Variants in ACAN observed in about 807,000 individuals in gnomAD.
ACAN encodes the protein aggrecan, also known as aggrecan core protein.
ACAN carries 47 observed loss-of-function variants against 169.1 expected under a neutral mutation model. That is an observed-to-expected ratio of 0.28 (90% CI 0.22 to 0.35). The LOEUF (loss-of-function observed/expected upper bound fraction) is 0.35. Among genes scored for constraint, ACAN ranks in the 10% least tolerant of loss-of-function variants. The pLI, the probability that ACAN is intolerant of heterozygous loss-of-function variation, is 1.00. For synonymous variants in ACAN, 1,115 were observed against 1,112.2 expected, an observed-to-expected ratio of 1.00 and a Z score of -0.05; for missense variants, 2,716 against 2,759.9, an observed-to-expected ratio of 0.98 and a Z score of 0.36.
At chr15:88,808,506 C>A (rs1895741308) in intron 1 of ACAN, among the ~76,000 whole-genome samples, 2 of 152,232 alleles carry the variant, frequency 1.3e-5, no homozygotes, top group South Asian at 4.1e-4. Context: ...TGTAACCAAC[C>A]TGAACCTGAC....
Position 88,849,853 on chromosome 15 carries a change from G to C in ACAN, c.2026+122G>C. 7.2e-7 allele frequency: 1 copy of C among 1,383,236 alleles called. No homozygotes were observed. The highest frequency in any genetic ancestry group is 1.0e-6 in the Non-Finnish European group (1 of 1,000,228). The allele number at this position is 1,383,236 out of a possible 1,614,324, so 85.7% of individuals were successfully genotyped here. On this transcript the variant is annotated intron_variant, in intron 10 of 18. Transcript: ENST00000560601. This position sits in a 1 kb window ranked among gnomAD's most constrained non-coding sequence, Gnocchi z 5.1. ...AGAGCAAGAAAATGTCAGTCCCTCT[G>C]GGGCAGAGCCAGCTCTGAAACCAGC...
chr15:88,821,192 A>G (rs768152386), intron 1 of ACAN, among the ~76,000 whole-genome samples: 4 of 152,202 alleles, frequency 2.6e-5, no homozygotes, highest in Admixed American at 6.5e-5. Flanking sequence ...GCCAAACTAT[A>G]TCAGTGGCAC....
At chr15:88,836,158 G>A in intron 1 of ACAN, 42 bp from the exon 2 acceptor site, 1 of 1,441,826 alleles carries the variant, frequency 6.9e-7, no homozygotes, top group African/African-American at 1.4e-5. Flanking sequence ...ACCTCACCAT[G>A]CCTTCACTGT....
chr15:88,812,584 G>A (rs559350294), intron 1 of ACAN, among the ~76,000 whole-genome samples: 15 of 152,022 alleles, frequency 9.9e-5, no homozygotes, highest in Non-Finnish European at 1.6e-4. Context: ...TTGCCCTCTC[G>A]GTCCCCCTGC....
At chr15:88,834,953 G>T (rs1416433509) in intron 1 of ACAN, among the ~76,000 whole-genome samples, 1 of 152,166 alleles carries the variant, frequency 6.6e-6, no homozygotes, top group Non-Finnish European at 1.5e-5. Context: ...TGGAGTCAGG[G>T]TTCCAATTGT....
At chr15:88,815,368 G>A (rs1002488106) in intron 1 of ACAN, among the ~76,000 whole-genome samples, 3 of 151,982 alleles carry the variant, frequency 2.0e-5, no homozygotes, top group Admixed American at 6.6e-5. Context: ...AGACCAGCTT[G>A]GGCAACATGG....
intron 7 of ACAN, 73 bp from the exon 8 acceptor site, chr15:88,847,170 T>C (rs1453246077): frequency 9.1e-6 from 13 of 1,421,978 alleles, no homozygotes; most frequent in Non-Finnish European, 1.2e-5. Flanking sequence ...TTGGCCCCCC[T>C]CTGTGCCCAT....
chr15:88,831,764 G>A (rs1176151066), intron 1 of ACAN, among the ~76,000 whole-genome samples: 1 of 152,164 alleles, frequency 6.6e-6, no homozygotes. Flanking sequence ...GAAGAAGTTA[G>A]GCTTGATGTT....
chr15:88,849,404 G>C lies in ACAN; in HGVS notation c.1733-34G>C, dbSNP rs1469740066. 3.3e-6 allele frequency: 5 copies of C among 1,528,810 alleles called. No homozygotes were observed. In the Admixed American group the frequency reaches 9.4e-5, roughly 29 times the overall value. 94.7% of individuals were successfully genotyped at this position (1,528,810 alleles called of 1,614,324 possible). A position where few individuals can be genotyped will look rare whatever the true frequency, so the allele number is the denominator to read the frequency against. On this transcript the variant is annotated intron_variant, in intron 9 of 18. Transcript: ENST00000560601. This position sits in a 1 kb window ranked among gnomAD's most constrained non-coding sequence, Gnocchi z 5.1. ...GGGATGGACCTGGCCTGAGTGTGGG[G>C]GGGTCATATTCTACCCCTTGCCTCT...
At chr15:88,808,826 A>G (rs537289601) in intron 1 of ACAN, among the ~76,000 whole-genome samples, 1 of 152,326 alleles carries the variant, frequency 6.6e-6, no homozygotes, top group South Asian at 2.1e-4. Flanking sequence ...GGGCATGGCA[A>G]CTGGAAAAGA....
At chr15:88,864,630 CCTT>C (rs1897253251) in intron 13 of ACAN, among the ~76,000 whole-genome samples, 1 of 152,180 alleles carries the variant, frequency 6.6e-6, no homozygotes, top group Non-Finnish European at 1.5e-5. Context: ...CTTTTATAAT[CCTT>C]CTTTCATTTG....
chr15:88,830,202 C>T (rs1361601456), intron 1 of ACAN, among the ~76,000 whole-genome samples: 3 of 152,188 alleles, frequency 2.0e-5, no homozygotes, highest in Non-Finnish European at 4.4e-5. Context: ...TAGGGCCAGC[C>T]TCAATGTCCC....
Position 88,814,022 on chromosome 15 carries a change from T to G in ACAN, c.-8+10213T>G, listed in dbSNP as rs1415730021. Among the ~76,000 whole-genome samples, 1 of 152,200 alleles carries G rather than the reference T, an allele frequency of 6.6e-6. No homozygotes were observed. The highest frequency in any genetic ancestry group is 2.4e-5 in the African/African-American group (1 of 41,446). On this transcript the variant is annotated intron_variant, in intron 1 of 18. Transcript: ENST00000560601. The surrounding 1 kb of genome is among the most constrained non-coding windows in gnomAD (Gnocchi z 4.0). ...TAGTTCCCCTCCTGATGACATCTAG[T>G]GCTTAGACTCACAAAAGAATCCATT...
chr15:88,859,780 G>A (rs1473732188), intron 12 of ACAN, among the ~76,000 whole-genome samples: 2 of 152,224 alleles, frequency 1.3e-5, no homozygotes, highest in East Asian at 3.8e-4. Flanking sequence ...AGGGAGAGAA[G>A]GATGACTGTC....
rs1897425471 is a variant in ACAN at position 88,873,233 on chromosome 15, A to C, written c.7447+208A>C. Among the ~76,000 whole-genome samples, 1 of 152,182 alleles carries C rather than the reference A, an allele frequency of 6.6e-6. No homozygotes were observed. Among genetic ancestry groups the C allele is most frequent in the South Asian group, 2.1e-4 (1 of 4,830 alleles). On this transcript the variant is annotated intron_variant, in intron 17 of 18. Transcript: ENST00000560601. The surrounding 1 kb of genome is among the most constrained non-coding windows in gnomAD (Gnocchi z 7.5). ...CAATGGCAAGGGCAAGCTCGCTGCC[A>C]GGGACCGTTTGCAGGGACAGCAAGC...
chr15:88,874,668 T>G lies in ACAN; in HGVS notation c.*187T>G. Reference sequence around the variant, plus strand: ...ACCCCTCCAAATCAGCAAAACCGCATCTAATTTGTCCGCCGAATGCCAAAG... The same window carrying G: ...ACCCCTCCAAATCAGCAAAACCGCAGCTAATTTGTCCGCCGAATGCCAAAG... On this transcript the variant is annotated 3_prime_UTR_variant, in exon 19 of 19. Transcript: ENST00000560601. This position sits in a 1 kb window ranked among gnomAD's most constrained non-coding sequence, Gnocchi z 7.3. The G allele has an allele frequency of 2.9e-6, 2 of 690,176 alleles. No individual in the cohort carries two copies. The highest frequency in any genetic ancestry group is 5.2e-6 in the Non-Finnish European group (2 of 381,054). 42.8% of individuals were successfully genotyped at this position (690,176 alleles called of 1,614,324 possible).
At chr15:88,863,128 G>C (rs1291283381) in intron 13 of ACAN, among the ~76,000 whole-genome samples, 1 of 152,058 alleles carries the variant, frequency 6.6e-6, no homozygotes, top group Non-Finnish European at 1.5e-5. Flanking sequence ...GGTCAAGGGG[G>C]TCAGAAGCTG....
intron 1 of ACAN, among the ~76,000 whole-genome samples, chr15:88,835,881 G>T (rs1187916059): frequency 1.3e-5 from 2 of 152,118 alleles, no homozygotes; most frequent in Admixed American, 1.3e-4. Context: ...CCAAATGTCT[G>T]GTTGCCCCGG....
At chr15:88,809,981 TG>T (rs1225268409) in intron 1 of ACAN, among the ~76,000 whole-genome samples, 2 of 152,184 alleles carry the variant, frequency 1.3e-5, no homozygotes, top group East Asian at 3.9e-4. Flanking sequence ...GGGGTGGATT[TG>T]GGTAAACTGT....
Sources: allele counts gnomAD v4.1 joint callset (sites outside exome capture counted in the v4.1 genomes callset), GRCh38; gene constraint gnomAD v4.1.1; non-coding constraint Gnocchi (gnomAD v3.1); transcripts MANE v1.5; gene names NCBI Gene and HGNC (gene_info 2026-07-23, HGNC 2026-07-21).